The following ZFAND3 variants were observed in gnomAD, a reference collection of about 807,000 sequenced individuals.
The protein encoded by ZFAND3 is zinc finger AN1-type containing 3.
ZFAND3 carries 10 observed loss-of-function variants against 29.6 expected under a neutral mutation model. The observed-to-expected ratio is 0.34, with a 90% CI of 0.21 to 0.57. The LOEUF (loss-of-function observed/expected upper bound fraction) is 0.57. ZFAND3 is among the 20% of genes least tolerant of loss of function. ZFAND3 has a pLI of 0.86. For synonymous variants in ZFAND3, 128 were observed against 112.6 expected, an observed-to-expected ratio of 1.14 and a Z score of -0.87; for missense variants, 230 against 304.5, an observed-to-expected ratio of 0.76 and a Z score of 1.82.
At chr6:37,908,004 T>C (rs932111793) in intron 1 of ZFAND3, among the ~76,000 whole-genome samples, 1 of 152,210 alleles carries the variant, frequency 6.6e-6, no homozygotes, top group African/African-American at 2.4e-5. Flanking sequence ...TAGTCCATAT[T>C]GAAACTTGTC....
At chr6:37,844,570 T>C (rs975139343) in intron 1 of ZFAND3, among the ~76,000 whole-genome samples, 4 of 152,124 alleles carry the variant, frequency 2.6e-5, no homozygotes, top group Admixed American at 2.0e-4. Context: ...CGTGAGCCAC[T>C]GCGCCCGGCC....
At chr6:37,903,736 C>T (rs560312760) in intron 1 of ZFAND3, among the ~76,000 whole-genome samples, 10 of 152,242 alleles carry the variant, frequency 6.6e-5, no homozygotes, top group Non-Finnish European at 1.3e-4. Context: ...AAATTTTAAA[C>T]GTGCAATTCA....
At chr6:37,911,394 G>A (rs1765518567) in intron 1 of ZFAND3, among the ~76,000 whole-genome samples, 1 of 152,124 alleles carries the variant, frequency 6.6e-6, no homozygotes, top group Admixed American at 6.6e-5. Flanking sequence ...TGGGTTATCT[G>A]TTTTCTTGCT....
chr6:38,032,378 T>C (rs190451874), intron 2 of ZFAND3, among the ~76,000 whole-genome samples: 2 of 152,328 alleles, frequency 1.3e-5, no homozygotes, highest in Admixed American at 6.5e-5. Flanking sequence ...AGAAATAATT[T>C]TGTGGAGAAC....
At chr6:38,030,227 A>ATGTT (rs1171658794) in intron 2 of ZFAND3, among the ~76,000 whole-genome samples, 2 of 145,626 alleles carry the variant, frequency 1.4e-5, no homozygotes, top group Non-Finnish European at 3.0e-5. Context: ...GGGTCTCTCT[A>ATGTT]TGTTGCCCAG....
intron 1 of ZFAND3, among the ~76,000 whole-genome samples, chr6:37,910,574 C>G (rs1413972452): frequency 3.3e-5 from 5 of 152,080 alleles, no homozygotes; most frequent in Admixed American, 3.3e-4. Flanking sequence ...TAATTAACAC[C>G]TCACACACCT....
At chr6:37,987,864 T>C (rs1001171296) in intron 2 of ZFAND3, among the ~76,000 whole-genome samples, 1 of 152,212 alleles carries the variant, frequency 6.6e-6, no homozygotes, top group Admixed American at 6.5e-5. Flanking sequence ...GAAAGTTGCA[T>C]TATTACTGTT....
At chr6:38,001,300 G>T (rs894066307) in intron 2 of ZFAND3, among the ~76,000 whole-genome samples, 1 of 152,146 alleles carries the variant, frequency 6.6e-6, no homozygotes, top group African/African-American at 2.4e-5. Flanking sequence ...CTGGTTCACT[G>T]CTCTCCTCTT....
intron 1 of ZFAND3, among the ~76,000 whole-genome samples, chr6:37,928,529 C>T (rs259685): frequency 0.7 from 106,018 of 151,818 alleles, 37,560 homozygotes; most frequent in African/African-American, 0.77. Flanking sequence ...TTTATTATTA[C>T]TATTTTTTGG....
At chr6:37,854,912 T>C (rs940195884) in intron 1 of ZFAND3, among the ~76,000 whole-genome samples, 7 of 150,060 alleles carry the variant, frequency 4.7e-5, no homozygotes, top group African/African-American at 1.7e-4. Context: ...GAGTACAGTC[T>C]AGGAAGCAAA....
chr6:37,977,770 G>GTTTTTTTTT (rs1213067308), intron 2 of ZFAND3, among the ~76,000 whole-genome samples: 2 of 108,862 alleles, frequency 1.8e-5, no homozygotes, highest in African/African-American at 3.4e-5. Context: ...GGTTTGCTGA[G>GTTTTTTTTT]TTTTTTGTTT....
intron 2 of ZFAND3, among the ~76,000 whole-genome samples, chr6:37,936,223 T>G (rs1465491574): frequency 5.9e-5 from 9 of 152,176 alleles, no homozygotes; most frequent in African/African-American, 1.9e-4. Flanking sequence ...GCAGAAATTT[T>G]AAAAGAACTG....
intron 2 of ZFAND3, among the ~76,000 whole-genome samples, chr6:37,967,134 A>G (rs956963628): frequency 1.3e-5 from 2 of 152,166 alleles, no homozygotes; most frequent in African/African-American, 4.8e-5. Context: ...TGTTTTTGTA[A>G]TTAATAAATG....
In ZFAND3 at chr6:37,962,633, A is replaced by G. The variant is rs6911746; in HGVS notation, c.112+32634A>G. The stretch of plus-strand genomic sequence containing the variant: ...ATCAGCACTCTGTAAAAACGCACCA[A>G]TCAGCGCTCTGTGTCTAGCTAAAGG... On this transcript the variant is annotated intron_variant, in intron 2 of 5. Transcript: ENST00000287218. Among the ~76,000 whole-genome samples the G allele has an allele frequency of 3.5e-3, 534 of 152,180 alleles. 3 individuals are homozygous for G. Among genetic ancestry groups the G allele is most frequent in the African/African-American group, 0.012 (499 of 41,518 alleles).
At chr6:37,843,573 C>T (rs1764119556) in intron 1 of ZFAND3, among the ~76,000 whole-genome samples, 1 of 151,940 alleles carries the variant, frequency 6.6e-6, no homozygotes, top group African/African-American at 2.4e-5. Context: ...AAGCTGAAAT[C>T]AGATCTGAGA....
At chr6:37,885,043 G>A (rs1764964659) in intron 1 of ZFAND3, among the ~76,000 whole-genome samples, 2 of 152,134 alleles carry the variant, frequency 1.3e-5, no homozygotes, top group African/African-American at 4.8e-5. Flanking sequence ...TCTTCCAACA[G>A]TACCATCATT....
intron 5 of ZFAND3, among the ~76,000 whole-genome samples, chr6:38,130,603 G>T: frequency 6.6e-6 from 1 of 152,200 alleles, no homozygotes; most frequent in Non-Finnish European, 1.5e-5. Flanking sequence ...TGTTTGTGTG[G>T]TATATCCCAT....
intron 2 of ZFAND3, among the ~76,000 whole-genome samples, chr6:37,949,217 T>A (rs140831715): frequency 8.7e-4 from 132 of 152,328 alleles, no homozygotes; most frequent in African/African-American, 3.0e-3. Context: ...TTATTGACTT[T>A]GAGCATTTTT....
At chr6:37,886,050 C>T (rs956999522) in intron 1 of ZFAND3, among the ~76,000 whole-genome samples, 2 of 151,770 alleles carry the variant, frequency 1.3e-5, no homozygotes, top group African/African-American at 4.8e-5. Flanking sequence ...CCAGCCTGGC[C>T]AAAATGGTGA....
Sources: gnomAD v4.1 joint callset for allele counts (sites outside exome capture counted in the v4.1 genomes callset) on GRCh38, gnomAD v4.1.1 for gene constraint, MANE v1.5 for transcripts, NCBI Gene and HGNC (gene_info 2026-07-23, HGNC 2026-07-21) for gene names.